The following CTNNA2 variants were observed in gnomAD, a reference collection of about 807,000 sequenced individuals.
CTNNA2 encodes the protein catenin alpha 2, also known as catenin alpha-2.
A neutral mutation model predicts 101.0 loss-of-function variants in CTNNA2; 42 were observed. That is an observed-to-expected ratio of 0.42 (90% CI 0.32 to 0.54). The LOEUF (loss-of-function observed/expected upper bound fraction) is 0.54. Among genes scored for constraint, CTNNA2 ranks in the 20% least tolerant of loss-of-function variants. The pLI, the probability that CTNNA2 is intolerant of heterozygous loss-of-function variation, is 0.14. For missense variants in CTNNA2, 871 were observed against 1,223.1 expected (o/e 0.71, Z 4.29); for synonymous variants, 450 against 456.4 (o/e 0.99, Z 0.18).
At position 80,648,128 on chromosome 2, in the gene CTNNA2, A is replaced by G; in HGVS notation, c.*256A>G. The stretch of plus-strand genomic sequence containing the variant: ...GCAACATTCTCATAAAATTGGGCAC[A>G]GAGTTCGCATTGGCGCAATATTTAT... On this transcript the variant is annotated 3_prime_UTR_variant, in exon 19 of 19. Transcript: ENST00000402739. 6.7e-6 allele frequency: 2 copies of G among 300,074 alleles called. No individual in the cohort carries two copies. The highest frequency in any genetic ancestry group is 1.2e-5 in the Non-Finnish European group (2 of 161,962). The allele number at this position is 300,074 out of a possible 1,614,324, so 18.6% of individuals were successfully genotyped here.
intron 12 of CTNNA2, among the ~76,000 whole-genome samples, chr2:80,558,626 G>A (rs115661272): frequency 0.012 from 1,777 of 152,054 alleles, 33 homozygotes; most frequent in African/African-American, 0.041. Context: ...GCTTAGTTTT[G>A]TTTCTGACTT....
At chr2:80,094,148 G>T (rs1180551576) in intron 7 of CTNNA2, among the ~76,000 whole-genome samples, 6 of 152,100 alleles carry the variant, frequency 3.9e-5, no homozygotes, top group African/African-American at 9.7e-5. Flanking sequence ...AGTCTAACAT[G>T]TAAGTCTTTA....
intron 2 of CTNNA2, among the ~76,000 whole-genome samples, chr2:79,258,549 A>G (rs963585210): frequency 3.3e-5 from 5 of 152,166 alleles, no homozygotes; most frequent in African/African-American, 9.7e-5. Flanking sequence ...GGAAATCTCA[A>G]TGATTGGAGC....
At chr2:79,884,707 C>A (rs1683706714) in intron 6 of CTNNA2, among the ~76,000 whole-genome samples, 1 of 151,608 alleles carries the variant, frequency 6.6e-6, no homozygotes, top group Admixed American at 6.6e-5. Flanking sequence ...CCTGCCTTTA[C>A]CTTCTTACAT....
chr2:79,618,491 G>A (rs1678786169), intron 1 of CTNNA2, among the ~76,000 whole-genome samples: 1 of 152,014 alleles, frequency 6.6e-6, no homozygotes, highest in African/African-American at 2.4e-5. Context: ...GTTCACTGAT[G>A]AGAAAAAAAT....
chr2:80,281,151 AT>A (rs1389792474), intron 7 of CTNNA2, among the ~76,000 whole-genome samples: 1 of 152,136 alleles, frequency 6.6e-6, no homozygotes, highest in Non-Finnish European at 1.5e-5. Flanking sequence ...GTGACCAGAG[AT>A]TAACTACACA....
intron 3 of CTNNA2, among the ~76,000 whole-genome samples, chr2:79,823,223 G>T (rs1574061646): frequency 6.6e-6 from 1 of 152,294 alleles, no homozygotes; most frequent in South Asian, 2.1e-4. Flanking sequence ...AGCCATATCT[G>T]CCTTTACTTA....
chr2:80,233,743 C>A (rs563769334), intron 7 of CTNNA2, among the ~76,000 whole-genome samples: 4 of 152,242 alleles, frequency 2.6e-5, no homozygotes, highest in African/African-American at 9.6e-5. Context: ...AAAATATCAT[C>A]CATACCTTTA....
chr2:80,471,774 T>C (rs1358309157), intron 9 of CTNNA2, among the ~76,000 whole-genome samples: 1 of 152,064 alleles, frequency 6.6e-6, no homozygotes. Context: ...TAGAGGTTTT[T>C]TGTTTGTCTG....
At chr2:80,081,108 A>G (rs1699113981) in intron 7 of CTNNA2, among the ~76,000 whole-genome samples, 1 of 151,910 alleles carries the variant, frequency 6.6e-6, no homozygotes, top group Non-Finnish European at 1.5e-5. Context: ...GTTAAAAAAA[A>G]AAAAAGCGTG....
At chr2:80,108,564 C>A (rs915002636) in intron 7 of CTNNA2, among the ~76,000 whole-genome samples, 56 of 152,314 alleles carry the variant, frequency 3.7e-4, no homozygotes, top group African/African-American at 1.3e-3. Context: ...GTGTCCCAGG[C>A]AAATATTATT....
At chr2:79,657,621 C>A (rs1681707801) in intron 2 of CTNNA2, among the ~76,000 whole-genome samples, 1 of 151,418 alleles carries the variant, frequency 6.6e-6, no homozygotes, top group African/African-American at 2.4e-5. Flanking sequence ...CATTCTAAAA[C>A]TTTTTAAAGA....
intron 13 of CTNNA2, among the ~76,000 whole-genome samples, chr2:80,580,936 A>G (rs1695481296): frequency 6.6e-6 from 1 of 152,280 alleles, no homozygotes; most frequent in South Asian, 2.1e-4. Flanking sequence ...GAATAACTTG[A>G]ACCTGGGAGG....
At chr2:79,534,848 ATT>A (rs1360634386) in intron 1 of CTNNA2, among the ~76,000 whole-genome samples, 1 of 151,450 alleles carries the variant, frequency 6.6e-6, no homozygotes, top group Non-Finnish European at 1.5e-5. Flanking sequence ...ATATTTTTTC[ATT>A]TCTGATTTTT....
intron 2 of CTNNA2, among the ~76,000 whole-genome samples, chr2:79,308,781 G>C (rs1573061794): frequency 8.3e-6 from 1 of 120,484 alleles, no homozygotes; most frequent in East Asian, 2.2e-4. Context: ...TTCATTTTAT[G>C]GTTTTTTTTT....
At chr2:80,167,521 T>G (rs2148956272) in intron 7 of CTNNA2, among the ~76,000 whole-genome samples, 1 of 152,316 alleles carries the variant, frequency 6.6e-6, no homozygotes, top group Non-Finnish European at 1.5e-5. Flanking sequence ...TCATACATTC[T>G]TGGGCAATTT....
chr2:79,826,459 G>A (rs955404098), intron 3 of CTNNA2, among the ~76,000 whole-genome samples: 1 of 152,276 alleles, frequency 6.6e-6, no homozygotes, highest in Admixed American at 6.5e-5. Context: ...GGAGTAGAGG[G>A]CAGTTATAGG....
chr2:79,616,313 A>C (rs1319320374), intron 1 of CTNNA2, among the ~76,000 whole-genome samples: 2 of 152,184 alleles, frequency 1.3e-5, no homozygotes, highest in Admixed American at 6.5e-5. Context: ...ATCATTATGC[A>C]TATTGTAATC....
intron 2 of CTNNA2, among the ~76,000 whole-genome samples, chr2:79,707,009 A>G (rs980085338): frequency 6.6e-6 from 1 of 152,186 alleles, no homozygotes; most frequent in Admixed American, 6.5e-5. Flanking sequence ...ATGACCATGA[A>G]GGAATTCCTA....
Sources: gnomAD v4.1 joint callset for allele counts (sites outside exome capture counted in the v4.1 genomes callset) on GRCh38, gnomAD v4.1.1 for gene constraint, MANE v1.5 for transcripts, NCBI Gene and HGNC (gene_info 2026-07-23, HGNC 2026-07-21) for gene names.